The following TAF1B variants were observed in gnomAD, a reference collection of about 807,000 sequenced individuals.
The protein encoded by TAF1B is TATA box-binding protein-associated factor RNA polymerase I subunit B.
A neutral mutation model predicts 83.9 loss-of-function variants in TAF1B; 61 were observed. The ratio of observed to expected loss-of-function variants is 0.73; its 90% CI spans 0.59 to 0.90. The LOEUF is 0.90. Among genes scored for constraint, TAF1B ranks in the 40% least tolerant of loss-of-function variants. The pLI, the probability that TAF1B is intolerant of heterozygous loss-of-function variation, is 0.00. For synonymous variants in TAF1B, 221 were observed against 224.6 expected (o/e 0.98, Z 0.14); for missense variants, 625 against 677.0 (o/e 0.92, Z 0.85).
chr2:9,889,226 T>G (rs1421558181), intron 8 of TAF1B, among the ~76,000 whole-genome samples: 7 of 152,128 alleles, frequency 4.6e-5, no homozygotes, highest in Non-Finnish European at 1.0e-4. Flanking sequence ...GGATACTAAT[T>G]ACATGCTAGA....
At chr2:9,916,241 CA>C (rs1558265809) in intron 12 of TAF1B, among the ~76,000 whole-genome samples, 1 of 152,142 alleles carries the variant, frequency 6.6e-6, no homozygotes, top group Admixed American at 6.5e-5. Flanking sequence ...AATGAGGAAA[CA>C]TATGCAGACA....
rs796595416 is a variant in TAF1B, at chr2:9,869,217, T to TTTTTG, written c.553+808_553+812dup. On this transcript the variant is annotated intron_variant, in intron 6 of 14. Transcript: ENST00000263663. Reference sequence around the variant, plus strand: ...TGTAACAGTTTTGTTTGCTTATTTTTTTTTGTTTTGTTTTGTTTTGTTTTT... The same window carrying TTTTTG: ...TGTAACAGTTTTGTTTGCTTATTTTTTTTTGTTTTGTTTTGTTTTGTTTTGTTTTT... Among the ~76,000 whole-genome samples the TTTTTG allele has an allele frequency of 3.3e-5, 5 of 152,260 alleles. No homozygotes were observed. In the South Asian group the frequency reaches 6.2e-4, roughly 19 times the overall value.
intron 12 of TAF1B, among the ~76,000 whole-genome samples, chr2:9,917,889 G>A (rs562289881): frequency 2.0e-5 from 3 of 151,738 alleles, no homozygotes; most frequent in Non-Finnish European, 4.4e-5. Flanking sequence ...CGGCTAAAAC[G>A]GTGAAACCCC....
intron 14 of TAF1B, among the ~76,000 whole-genome samples, chr2:9,925,476 C>T (rs191040368): frequency 2.0e-5 from 3 of 152,056 alleles, no homozygotes; most frequent in Admixed American, 6.5e-5. Flanking sequence ...TATTTTTTTC[C>T]GTTTTACAGA....
intron 14 of TAF1B, among the ~76,000 whole-genome samples, chr2:9,930,309 C>T (rs1214834820): frequency 6.6e-6 from 1 of 152,116 alleles, no homozygotes; most frequent in Non-Finnish European, 1.5e-5. Context: ...CTCTTGTGGG[C>T]ATTTAGTGCT....
intron 12 of TAF1B, chr2:9,913,509 C>G (rs983533827): frequency 3.2e-6 from 1 of 307,710 alleles, no homozygotes; most frequent in African/African-American, 2.1e-5. Context: ...CCACAGTATA[C>G]TTTTTATAAT....
At chr2:9,927,471 G>A (rs894672123) in intron 14 of TAF1B, among the ~76,000 whole-genome samples, 1 of 152,172 alleles carries the variant, frequency 6.6e-6, no homozygotes, top group Non-Finnish European at 1.5e-5. Context: ...GGTTGAACTA[G>A]TTTACAGTCC....
At chr2:9,849,206 A>G (rs1280588667) in intron 2 of TAF1B, among the ~76,000 whole-genome samples, 167 bp from the exon 3 acceptor site, 1 of 152,240 alleles carries the variant, frequency 6.6e-6, no homozygotes, top group Non-Finnish European at 1.5e-5. Flanking sequence ...AAAAAACAAC[A>G]TCAACATTAA....
intron 14 of TAF1B, among the ~76,000 whole-genome samples, chr2:9,920,304 G>A (rs1255859541): frequency 1.3e-5 from 2 of 152,132 alleles, no homozygotes; most frequent in Non-Finnish European, 2.9e-5. Context: ...GACCCCCAGT[G>A]TCCTTTTATA....
intron 14 of TAF1B, among the ~76,000 whole-genome samples, chr2:9,924,741 G>A (rs1038945917): frequency 4.6e-5 from 7 of 152,128 alleles, no homozygotes; most frequent in African/African-American, 9.7e-5. Context: ...GCTATGTATC[G>A]AATTTTGTTA....
At chr2:9,865,339 A>G (rs1420983961) in intron 5 of TAF1B, among the ~76,000 whole-genome samples, 1 of 152,234 alleles carries the variant, frequency 6.6e-6, no homozygotes, top group Non-Finnish European at 1.5e-5. Flanking sequence ...TCCCATTCAC[A>G]GTTGCTTCAA....
At chr2:9,888,790 G>GGTTTTTTTTTTTGTTTTTT (rs753209727) in intron 8 of TAF1B, among the ~76,000 whole-genome samples, 1 of 81,668 alleles carries the variant, frequency 1.2e-5, no homozygotes, top group Admixed American at 1.4e-4. Flanking sequence ...CTTCTGCTTG[G>GGTTTTTTTTTTTGTTTTTT]TTTTTTTTTT....
At chr2:9,917,694 C>T (rs964525763) in intron 12 of TAF1B, among the ~76,000 whole-genome samples, 1 of 152,238 alleles carries the variant, frequency 6.6e-6, no homozygotes, top group African/African-American at 2.4e-5. Flanking sequence ...CACTCCCTGA[C>T]AACACTAGGG....
intron 3 of TAF1B, among the ~76,000 whole-genome samples, chr2:9,849,880 T>C (rs1663330510): frequency 6.6e-6 from 1 of 152,164 alleles, no homozygotes; most frequent in Admixed American, 6.5e-5. Context: ...AGAAGGATCT[T>C]AGGTAAAGTC....
At chr2:9,916,863 A>C (rs1665697510) in intron 12 of TAF1B, among the ~76,000 whole-genome samples, 1 of 44,964 alleles carries the variant, frequency 2.2e-5, no homozygotes, top group African/African-American at 5.5e-5. Context: ...TTTGAGATGG[A>C]TTTTTGCTCT....
intron 2 of TAF1B, chr2:9,845,648 G>T: frequency 3.8e-6 from 1 of 265,188 alleles, no homozygotes; most frequent in African/African-American, 2.3e-5. Context: ...TTTTAAATGT[G>T]TCATGGTGGC....
At chr2:9,904,597 G>GTATA (rs1665285107) in intron 8 of TAF1B, among the ~76,000 whole-genome samples, 2 of 152,234 alleles carry the variant, frequency 1.3e-5, no homozygotes, top group South Asian at 4.1e-4. Flanking sequence ...ATTCCTTTGG[G>GTATA]TATATATCCA....
Position 9,867,121 on chromosome 2 carries a change from G to C in TAF1B, c.400-1155G>C, listed in dbSNP as rs78803597. 4.7e-3 allele frequency among the ~76,000 whole-genome samples: 708 copies of C among 152,210 alleles called. 1 individual carries two copies. The highest frequency in any genetic ancestry group is 8.3e-3 in the Non-Finnish European group (562 of 68,004). On this transcript the variant is annotated intron_variant, in intron 5 of 14. Transcript: ENST00000263663. ...TTTAAATAAAGTGGGATAAATGATA[G>C]CATATTTGTGTAGTGATAGGAATGA...
chr2:9,898,436 C>T (rs531782768), intron 8 of TAF1B, among the ~76,000 whole-genome samples: 46 of 152,266 alleles, frequency 3.0e-4, no homozygotes, highest in African/African-American at 1.1e-3. Context: ...TAGCAGATAA[C>T]CAAAGGGTCA....
Sources: allele counts gnomAD v4.1 joint callset (sites outside exome capture counted in the v4.1 genomes callset), GRCh38; gene constraint gnomAD v4.1.1; transcripts MANE v1.5; gene names NCBI Gene and HGNC (gene_info 2026-07-23, HGNC 2026-07-21).